The following THTPA variants were observed in gnomAD, a reference collection of about 807,000 sequenced individuals.
The protein encoded by THTPA is thiamine-triphosphatase.
Under a neutral mutation model 16.5 loss-of-function variants are expected in THTPA, and 16 were observed. The ratio of observed to expected loss-of-function variants is 0.97; its 90% CI spans 0.66 to 1.47. THTPA has a LOEUF of 1.47. Ranked by LOEUF, THTPA falls within the 40% of genes most tolerant of loss-of-function variation. THTPA has a pLI of 0.00. For synonymous variants in THTPA, 110 were observed against 115.5 expected, an observed-to-expected ratio of 0.95 and a Z score of 0.30; for missense variants, 281 against 280.9, an observed-to-expected ratio of 1.00 and a Z score of 0.00.
chr14:23,541,879 T>G, the THTPA span, among the ~76,000 whole-genome samples: 4 of 152,248 alleles, frequency 2.6e-5, no homozygotes, highest in African/African-American at 4.8e-5. Context: ...GTACTTTGAT[T>G]CTTCCCTTTT....
chr14:23,556,040 G>C (rs1882338087), upstream of THTPA: 1 of 152,362 alleles, frequency 6.6e-6, no homozygotes, highest in African/African-American at 2.4e-5. Flanking sequence ...CATGAGACCT[G>C]TACCAGCCCC....
At chr14:23,541,475 C>G in the THTPA span, among the ~76,000 whole-genome samples, 6 of 151,952 alleles carry the variant, frequency 3.9e-5, no homozygotes, top group Admixed American at 1.3e-4. Flanking sequence ...TTAGTACAGA[C>G]AGAGCTTCTC....
the THTPA span, chr14:23,529,420 CA>C: frequency 2.6e-6 from 1 of 383,178 alleles, no homozygotes; most frequent in Non-Finnish European, 4.8e-6. Flanking sequence ...CTCCTTCCAG[CA>C]TGTACCCCCA....
the THTPA span, chr14:23,527,730 A>G: frequency 6.5e-7 from 1 of 1,536,152 alleles, no homozygotes; most frequent in Non-Finnish European, 8.7e-7. Context: ...GCTGCACTGC[A>G]TGCTGGGAGA....
chr14:23,518,145 C>T, the THTPA span, among the ~76,000 whole-genome samples: 1 of 152,162 alleles, frequency 6.6e-6, no homozygotes, highest in African/African-American at 2.4e-5. The surrounding 1 kb of genome is among the most constrained non-coding windows in gnomAD (Gnocchi z 4.5). Context: ...CTGGGGTCTG[C>T]TGCTGTTTCT....
At chr14:23,522,257 A>T in the THTPA span, 2 of 1,484,042 alleles carry the variant, frequency 1.3e-6, no homozygotes, top group South Asian at 2.7e-5. Flanking sequence ...CCGCCCAAAG[A>T]AGCAGAAGGA....
the THTPA span, chr14:23,524,093 A>T: frequency 1.3e-6 from 2 of 1,532,454 alleles, no homozygotes; most frequent in Non-Finnish European, 1.7e-6. The surrounding 1 kb of genome is among the most constrained non-coding windows in gnomAD (Gnocchi z 5.6). Flanking sequence ...GCCATCATCT[A>T]CCTTGCCTAA....
At chr14:23,533,366 G>T in the THTPA span, 1 of 1,446,630 alleles carries the variant, frequency 6.9e-7, no homozygotes, top group Non-Finnish European at 9.1e-7. The surrounding 1 kb of genome is among the most constrained non-coding windows in gnomAD (Gnocchi z 4.8). Flanking sequence ...GGCTTGTCTG[G>T]CCTCAGCCCC....
At chr14:23,523,150 C>A in the THTPA span, 1 of 1,409,738 alleles carries the variant, frequency 7.1e-7, no homozygotes, top group South Asian at 1.7e-5. The surrounding 1 kb of genome is among the most constrained non-coding windows in gnomAD (Gnocchi z 4.1). Flanking sequence ...AAGGGCATGT[C>A]ATTAGAGGGG....
chr14:23,529,999 G>T, the THTPA span: 3 of 1,112,598 alleles, frequency 2.7e-6, no homozygotes, highest in Non-Finnish European at 3.9e-6. Flanking sequence ...CCCCTGATGA[G>T]CCCTTTCTTT....
the THTPA span, among the ~76,000 whole-genome samples, chr14:23,519,601 C>T: frequency 7.9e-5 from 12 of 152,080 alleles, no homozygotes; most frequent in Non-Finnish European, 1.2e-4. Context: ...AAACTAACTC[C>T]GCCTAATTTG....
chr14:23,550,530 T>A, the THTPA span, among the ~76,000 whole-genome samples: 1 of 151,642 alleles, frequency 6.6e-6, no homozygotes, highest in Admixed American at 6.6e-5. Context: ...CAGAGATGGA[T>A]GGGATGGAAG....
the THTPA span, chr14:23,543,116 T>C: frequency 6.6e-6 from 1 of 152,238 alleles, no homozygotes; most frequent in African/African-American, 2.4e-5. Flanking sequence ...TGCATTTAAA[T>C]AGTATTACAA....
the THTPA span, chr14:23,533,528 G>A: frequency 6.5e-7 from 1 of 1,536,138 alleles, no homozygotes; most frequent in Non-Finnish European, 8.7e-7. The surrounding 1 kb of genome is among the most constrained non-coding windows in gnomAD (Gnocchi z 4.8). Flanking sequence ...CCCTGGTGCA[G>A]CATTAGGACA....
At chr14:23,553,520 A>AC (rs1204780044), upstream of THTPA, among the ~76,000 whole-genome samples, 7 of 150,538 alleles carry the variant, frequency 4.6e-5, no homozygotes, top group African/African-American at 1.7e-4. Context: ...AATCGCTTGA[A>AC]CCCGGGGGGC....
chr14:23,526,996 G>A, the THTPA span: 26 of 1,484,346 alleles, frequency 1.8e-5, no homozygotes, highest in Non-Finnish European at 2.1e-5. Flanking sequence ...AAAGCCTAGT[G>A]GCTTCACCAC....
At chr14:23,518,524 G>C in the THTPA span, among the ~76,000 whole-genome samples, 301 of 152,226 alleles carry the variant, frequency 2.0e-3, 2 homozygotes, top group African/African-American at 7.1e-3. This position sits in a 1 kb window ranked among gnomAD's most constrained non-coding sequence, Gnocchi z 4.5. Flanking sequence ...CAATCTTTTT[G>C]TTCCTAGTTG....
chr14:23,549,898 A>C, the THTPA span, among the ~76,000 whole-genome samples: 3 of 152,252 alleles, frequency 2.0e-5, no homozygotes, highest in Non-Finnish European at 4.4e-5. Context: ...GAAAAGGGAT[A>C]AAAGAAACTA....
upstream of THTPA, among the ~76,000 whole-genome samples, chr14:23,552,758 T>C (rs2138958379): frequency 6.6e-6 from 1 of 151,864 alleles, no homozygotes; most frequent in South Asian, 2.1e-4. Flanking sequence ...CCCACCACCA[T>C]GCCCTGCTAA....
Sources: gnomAD v4.1 joint callset for allele counts (sites outside exome capture counted in the v4.1 genomes callset) on GRCh38, gnomAD v4.1.1 for gene constraint, Gnocchi (gnomAD v3.1) non-coding constraint, MANE v1.5 for transcripts, NCBI Gene and HGNC (gene_info 2026-07-23, HGNC 2026-07-21) for gene names.